The following DCC variants were observed in gnomAD, a reference collection of about 807,000 sequenced individuals.
DCC encodes the protein DCC netrin 1 receptor, also known as netrin receptor DCC.
DCC carries 58 observed loss-of-function variants against 172.5 expected under a neutral mutation model. The ratio of observed to expected loss-of-function variants is 0.34; its 90% CI spans 0.27 to 0.42. The LOEUF (loss-of-function observed/expected upper bound fraction) is 0.42, where lower values mean the gene tolerates loss of function less well. Ranked by LOEUF, DCC falls within the 10% of genes least tolerant of loss-of-function variation. DCC has a pLI of 1.00. For synonymous variants in DCC, 709 were observed against 644.5 expected (o/e 1.10, Z -1.52); for missense variants, 1,740 against 1,791.0 (o/e 0.97, Z 0.51).
At chr18:52,993,439 C>G (rs1342551169) in intron 5 of DCC, among the ~76,000 whole-genome samples, 1 of 152,162 alleles carries the variant, frequency 6.6e-6, no homozygotes, top group Non-Finnish European at 1.5e-5. Flanking sequence ...TATTCCCTCT[C>G]ACAACACCAC....
At chr18:53,308,595 A>G (rs992918818) in intron 13 of DCC, among the ~76,000 whole-genome samples, 1 of 152,184 alleles carries the variant, frequency 6.6e-6, no homozygotes, top group African/African-American at 2.4e-5. Flanking sequence ...AGAATTTGCT[A>G]GCGTTAATTG....
At chr18:53,035,103 G>A (rs1175214695) in intron 5 of DCC, among the ~76,000 whole-genome samples, 1 of 151,856 alleles carries the variant, frequency 6.6e-6, no homozygotes, top group Admixed American at 6.6e-5. Flanking sequence ...ATACATGCAT[G>A]TAATATGTAA....
chr18:53,009,871 TG>T, intron 5 of DCC, among the ~76,000 whole-genome samples: 1 of 152,058 alleles, frequency 6.6e-6, no homozygotes, highest in East Asian at 1.9e-4. Context: ...TCCAAGACAA[TG>T]GCATTGTCAC....
intron 1 of DCC, among the ~76,000 whole-genome samples, chr18:52,685,538 C>T (rs1402185324): frequency 6.6e-6 from 1 of 152,070 alleles, no homozygotes. Context: ...GTAATGCCCT[C>T]TCTCAGGAGT....
At chr18:52,911,511 CTG>C (rs1224011895) in intron 3 of DCC, among the ~76,000 whole-genome samples, 1 of 152,070 alleles carries the variant, frequency 6.6e-6, no homozygotes, top group Non-Finnish European at 1.5e-5. Context: ...CTTAATCATT[CTG>C]TGTCAGACCC....
intron 1 of DCC, among the ~76,000 whole-genome samples, chr18:52,742,127 T>C (rs563434332): frequency 6.6e-6 from 1 of 152,322 alleles, no homozygotes; most frequent in East Asian, 1.9e-4. Context: ...CCTGCCTTGC[T>C]AACACCTTGA....
intron 13 of DCC, among the ~76,000 whole-genome samples, chr18:53,316,148 G>T (rs1408939013): frequency 2.0e-5 from 3 of 152,090 alleles, no homozygotes; most frequent in African/African-American, 7.2e-5. Context: ...TAAGGAAGGG[G>T]TCTAGTTTCA....
At chr18:52,534,403 A>G (rs1369713300) in intron 1 of DCC, among the ~76,000 whole-genome samples, 4 of 152,058 alleles carry the variant, frequency 2.6e-5, no homozygotes, top group African/African-American at 9.7e-5. Context: ...TTCCCTACAG[A>G]CCCCAACATA....
At chr18:52,382,393 A>G (rs1314897370) in intron 1 of DCC, among the ~76,000 whole-genome samples, 1 of 152,174 alleles carries the variant, frequency 6.6e-6, no homozygotes, top group Non-Finnish European at 1.5e-5. Context: ...CTTTTGTTAT[A>G]TTCTATTCTG....
chr18:53,162,787 A>G (rs2054863047), intron 8 of DCC, among the ~76,000 whole-genome samples: 1 of 152,064 alleles, frequency 6.6e-6, no homozygotes, highest in Admixed American at 6.6e-5. Context: ...ATTTTTCTCC[A>G]TAGCCTTTAT....
chr18:52,907,351 G>GCA (rs2039902782), intron 3 of DCC, among the ~76,000 whole-genome samples: 1 of 135,796 alleles, frequency 7.4e-6, no homozygotes. Context: ...CATATATCAT[G>GCA]TATATATGAA....
chr18:52,984,139 A>G (rs916291838), intron 5 of DCC, among the ~76,000 whole-genome samples: 6 of 152,188 alleles, frequency 3.9e-5, no homozygotes, highest in African/African-American at 1.4e-4. Flanking sequence ...CCAATGAGCT[A>G]TATAGAAAAT....
chr18:52,568,180 A>G (rs2033207089), intron 1 of DCC, among the ~76,000 whole-genome samples: 1 of 152,130 alleles, frequency 6.6e-6, no homozygotes, highest in African/African-American at 2.4e-5. Flanking sequence ...AGAAAACTAC[A>G]CTTATCTTAT....
intron 1 of DCC, among the ~76,000 whole-genome samples, chr18:52,674,782 G>A (rs771414545): frequency 9.2e-5 from 14 of 152,164 alleles, no homozygotes; most frequent in African/African-American, 2.7e-4. Flanking sequence ...AGGCTCCCCC[G>A]CCATCTGAAC....
At chr18:53,173,200 G>T (rs2055039470) in intron 8 of DCC, among the ~76,000 whole-genome samples, 2 of 152,038 alleles carry the variant, frequency 1.3e-5, no homozygotes, top group Admixed American at 1.3e-4. Context: ...TGGGAGCATT[G>T]TTCCATATTT....
intron 7 of DCC, among the ~76,000 whole-genome samples, chr18:53,153,904 C>T (rs1032839907): frequency 6.6e-6 from 1 of 152,138 alleles, no homozygotes; most frequent in African/African-American, 2.4e-5. Flanking sequence ...ACATTGGCTT[C>T]GTCTGTTGTT....
At chr18:52,388,090 A>G (rs1985887414) in intron 1 of DCC, among the ~76,000 whole-genome samples, 1 of 152,004 alleles carries the variant, frequency 6.6e-6, no homozygotes, top group Non-Finnish European at 1.5e-5. Flanking sequence ...GCTAGGCATG[A>G]AAGCCTAGAA....
chr18:53,152,205 G>A (rs996534027), intron 7 of DCC, among the ~76,000 whole-genome samples: 1 of 152,098 alleles, frequency 6.6e-6, no homozygotes, highest in African/African-American at 2.4e-5. Flanking sequence ...AATGAAACAA[G>A]GAAATAGGTC....
At chr18:52,668,100 A>G (rs142019746) in intron 1 of DCC, among the ~76,000 whole-genome samples, 53 of 152,188 alleles carry the variant, frequency 3.5e-4, no homozygotes, top group African/African-American at 1.1e-3. Flanking sequence ...GGGAAGCATG[A>G]GGTTGCCAGC....
Sources: allele counts gnomAD v4.1 joint callset (sites outside exome capture counted in the v4.1 genomes callset), GRCh38; gene constraint gnomAD v4.1.1; transcripts MANE v1.5; gene names NCBI Gene and HGNC (gene_info 2026-07-23, HGNC 2026-07-21).